CTNND2: variants seen among roughly 807,000 people sequenced by gnomAD.
The protein encoded by CTNND2 is catenin delta 2, also known as catenin delta-2.
A neutral mutation model predicts 144.4 loss-of-function variants in CTNND2; 22 were observed. That is an observed-to-expected ratio of 0.15 (90% confidence interval 0.11 to 0.22). The LOEUF (loss-of-function observed/expected upper bound fraction) is 0.22, where lower values mean the gene tolerates loss of function less well. Ranked by LOEUF, CTNND2 falls within the 10% of genes least tolerant of loss-of-function variation. The probability of loss-of-function intolerance (pLI) is 1.00; values close to 1 mark genes in which losing one functional copy is unlikely to be tolerated. For synonymous variants in CTNND2, 751 were observed against 695.6 expected, an observed-to-expected ratio of 1.08 and a Z score of -1.25; for missense variants, 1,353 against 1,618.8, an observed-to-expected ratio of 0.84 and a Z score of 2.82.
intron 2 of CTNND2, among the ~76,000 whole-genome samples, chr5:11,636,851 G>A (rs1182480925): frequency 1.3e-5 from 2 of 152,124 alleles, no homozygotes; most frequent in East Asian, 3.9e-4. Context: ...CATAAATATT[G>A]AGCAATGACC....
chr5:11,397,010 C>A (rs1321263341), intron 6 of CTNND2, 21 bp downstream of exon 6: 1 of 1,602,938 alleles, frequency 6.2e-7, no homozygotes, highest in Middle Eastern at 2.1e-4. Flanking sequence ...CCACTGACAC[C>A]ATACAGCACT....
intron 3 of CTNND2, among the ~76,000 whole-genome samples, chr5:11,497,512 G>GGGC (rs1770072489): frequency 1.2e-5 from 1 of 84,202 alleles, no homozygotes; most frequent in Non-Finnish European, 2.5e-5. Flanking sequence ...AATGATGTGC[G>GGGC]GGGGGGTGGG....
intron 1 of CTNND2, among the ~76,000 whole-genome samples, chr5:11,834,242 T>C (rs1352268297): frequency 6.6e-6 from 1 of 152,150 alleles, no homozygotes; most frequent in Non-Finnish European, 1.5e-5. Flanking sequence ...CGTATGCATG[T>C]AAAAATAAAT....
chr5:11,172,624 T>C (rs6883143), intron 11 of CTNND2, among the ~76,000 whole-genome samples: 81,498 of 152,046 alleles, frequency 0.54, 22,887 homozygotes, highest in African/African-American at 0.72. Flanking sequence ...CAGTGGGTGA[T>C]AGAGGATAAA....
Position 11,364,822 on chromosome 5 carries a change from G to C in CTNND2, c.1246C>G (p.Pro416Ala). ...TAGATGGGATCTATGTGGTGTTCTG[G>C]GGACTGCAGGGCCCGCAACTCTGGG... is the stretch of plus-strand genomic sequence containing the variant. ...LGPELRALQS[P>A]EHHIDPIYED... The change falls in exon 8 of 22, where the codon CCA becomes GCA. Residue 416 changes from proline (P) to alanine (A), a missense_variant. Physicochemically the swap from Pro to Ala is conservative, Grantham distance 27. Transcript: ENST00000304623. 6.2e-7 allele frequency: 1 copy of C among 1,613,944 alleles called. No individual in the cohort carries two copies. Among genetic ancestry groups the C allele is most frequent in the African/African-American group, 1.3e-5 (1 of 75,044 alleles).
At chr5:11,525,927 CAG>C (rs1474403210) in intron 3 of CTNND2, among the ~76,000 whole-genome samples, 1 of 152,148 alleles carries the variant, frequency 6.6e-6, no homozygotes, top group Non-Finnish European at 1.5e-5. Flanking sequence ...CGTTTTGAGG[CAG>C]AGTCTCGCTC....
intron 1 of CTNND2, among the ~76,000 whole-genome samples, chr5:11,739,528 C>G (rs1460391297): frequency 6.6e-6 from 1 of 152,178 alleles, no homozygotes; most frequent in East Asian, 1.9e-4. Flanking sequence ...AAACCACACT[C>G]TGATGTCAGT....
intron 1 of CTNND2, among the ~76,000 whole-genome samples, chr5:11,828,213 A>T (rs1227660070): frequency 6.6e-6 from 1 of 152,170 alleles, no homozygotes; most frequent in Non-Finnish European, 1.5e-5. Flanking sequence ...AATAAGTCTC[A>T]TAAGATCTGA....
chr5:10,979,656 ACTCTCTCTCT>A (rs376019453), intron 21 of CTNND2, among the ~76,000 whole-genome samples: 2 of 150,066 alleles, frequency 1.3e-5, no homozygotes, highest in Non-Finnish European at 3.0e-5. Context: ...ACACACATAT[ACTCTCTCTCT>A]CTCTCTCAGA....
At chr5:11,781,731 C>A (rs900724052) in intron 1 of CTNND2, among the ~76,000 whole-genome samples, 5 of 152,168 alleles carry the variant, frequency 3.3e-5, no homozygotes, top group Non-Finnish European at 7.4e-5. Flanking sequence ...CATTACTGAT[C>A]TTTTTTTCTT....
chr5:11,434,693 G>A (rs1044045512), intron 3 of CTNND2, among the ~76,000 whole-genome samples: 2 of 152,118 alleles, frequency 1.3e-5, no homozygotes, highest in African/African-American at 4.8e-5. Flanking sequence ...ACTGCTAATG[G>A]TAGAATGTAG....
rs1424310228 is a variant in CTNND2 at position 11,346,396 on chromosome 5, A to G, written c.1604T>C (p.Ile535Thr). The change falls in exon 9 of 22, where the codon ATT becomes ACT. Residue 535 changes from isoleucine to threonine, a missense_variant. Physicochemically the swap from Ile to Thr is moderately conservative, Grantham distance 89. Around this residue, in one of 4 missense-constraint regions of CTNND2, gnomAD observed 69 missense variants for 120.3 expected, o/e 0.57. Coordinates refer to ENST00000304623, the MANE Select transcript of CTNND2 (RefSeq NM_001332.4). ...CCTGGGATCTTTCTGAATGCTATCA[A>G]TGGACGGGGACCTGGCCAAGGTGCC... is the stretch of plus-strand genomic sequence containing the variant. ...PEGTLARSPS[I>T]DSIQKDPREF... 2 of 1,489,406 alleles carry G rather than the reference A, an allele frequency of 1.3e-6. No individual in the cohort carries two copies. Among genetic ancestry groups the G allele is most frequent in the Admixed American group, 2.4e-5 (1 of 42,256 alleles). The allele number at this position is 1,489,406 out of a possible 1,614,324, so 92.3% of individuals were successfully genotyped here.
chr5:11,575,635 C>A (rs185112322), intron 2 of CTNND2, among the ~76,000 whole-genome samples: 257 of 152,278 alleles, frequency 1.7e-3, no homozygotes, highest in Non-Finnish European at 2.7e-3. Flanking sequence ...ATATCCATAT[C>A]AATGGAATAA....
At chr5:11,033,242 A>C (rs1169222999) in intron 16 of CTNND2, among the ~76,000 whole-genome samples, 1 of 152,188 alleles carries the variant, frequency 6.6e-6, no homozygotes, top group East Asian at 1.9e-4. Context: ...GACAAGGATT[A>C]CAAAAAAATA....
chr5:11,637,887 T>A (rs75500001), intron 2 of CTNND2, among the ~76,000 whole-genome samples: 5,766 of 152,212 alleles, frequency 0.038, 207 homozygotes, highest in African/African-American at 0.097. Flanking sequence ...GACATTTGAG[T>A]TCTAGAGAAG....
chr5:11,621,607 C>A lies in CTNND2; in HGVS notation c.175-56551G>T, dbSNP rs141050030. ...ATCAAATATAAATACATAACAAATA[C>A]AATATGGTACAGTTTATTTTATTTA... On this transcript the variant is annotated intron_variant, in intron 2 of 21. Transcript: ENST00000304623. Among the ~76,000 whole-genome samples the A allele has an allele frequency of 6.1e-3, 927 of 152,102 alleles. 23 individuals carry two copies. Among genetic ancestry groups the A allele is most frequent in the Admixed American group, 0.049 (755 of 15,258 alleles).
At chr5:11,635,080 T>A (rs1781610281) in intron 2 of CTNND2, among the ~76,000 whole-genome samples, 1 of 152,050 alleles carries the variant, frequency 6.6e-6, no homozygotes, top group Non-Finnish European at 1.5e-5. Flanking sequence ...TCATAAAATA[T>A]AAGCAAAGAT....
chr5:11,261,228 T>C (rs947100948), intron 9 of CTNND2, among the ~76,000 whole-genome samples: 1 of 152,196 alleles, frequency 6.6e-6, no homozygotes, highest in Non-Finnish European at 1.5e-5. Flanking sequence ...TTAGTGACAG[T>C]GATATTGGGC....
intron 19 of CTNND2, among the ~76,000 whole-genome samples, chr5:10,991,594 T>C (rs1738685567): frequency 6.6e-6 from 1 of 152,222 alleles, no homozygotes; most frequent in Admixed American, 6.5e-5. Context: ...TTTTGGCATT[T>C]CTTAATGTGA....
Sources: allele counts gnomAD v4.1 joint callset (sites outside exome capture counted in the v4.1 genomes callset), GRCh38; gene constraint gnomAD v4.1.1; regional missense constraint gnomAD v4.1.1; transcripts MANE v1.5; gene names NCBI Gene and HGNC (gene_info 2026-07-23, HGNC 2026-07-21).